Variants in CSF1R observed in about 807,000 individuals in gnomAD.
CSF1R encodes the protein colony stimulating factor 1 receptor, also known as macrophage colony-stimulating factor 1 receptor.
CSF1R carries 40 observed loss-of-function variants against 110.0 expected under a neutral mutation model. The ratio of observed to expected loss-of-function variants is 0.36; its 90% CI spans 0.28 to 0.47. The LOEUF (loss-of-function observed/expected upper bound fraction) is 0.47, where lower values mean the gene tolerates loss of function less well. Among genes scored for constraint, CSF1R ranks in the 20% least tolerant of loss-of-function variants. The pLI is 0.99. For synonymous variants in CSF1R, 523 were observed against 503.4 expected (o/e 1.04, Z -0.52); for missense variants, 1,052 against 1,253.0 (o/e 0.84, Z 2.42).
rs994128154 is a variant in CSF1R at position 150,053,367 on chromosome 5, TGGG to T, written c.*699_*701del. On this transcript the variant is annotated 3_prime_UTR_variant, in exon 21 of 21. Transcript: ENST00000675795. Reference sequence around the variant, plus strand: ...GACTGTTAGTTAGGATGAGTCAGCTTGGGGGAGTTTGTGCTTCCTGCTTGGTGT... The same window carrying T: ...GACTGTTAGTTAGGATGAGTCAGCTTGGAGTTTGTGCTTCCTGCTTGGTGT... 1 of 233,996 alleles carries T rather than the reference TGGG, an allele frequency of 4.3e-6. No homozygotes were observed. The highest frequency in any genetic ancestry group is 8.5e-6 in the Non-Finnish European group (1 of 118,302). The allele number at this position is 233,996 out of a possible 1,614,324, so 14.5% of individuals were successfully genotyped here.
At chr5:150,065,449 G>A (rs1561918559) in intron 10 of CSF1R, among the ~76,000 whole-genome samples, 1 of 152,098 alleles carries the variant, frequency 6.6e-6, no homozygotes, top group African/African-American at 2.4e-5. Flanking sequence ...TTCCCCCACG[G>A]CCCCCCTTGT....
chr5:150,094,239 T>C, intron 1 of CSF1R: 1 of 986,454 alleles, frequency 1.0e-6, no homozygotes, highest in Non-Finnish European at 1.5e-6. Flanking sequence ...CAAGAAGACA[T>C]AACAATCCTG....
intron 7 of CSF1R, 21 bp downstream of exon 7, chr5:150,070,435 G>A (rs1004026033): frequency 8.4e-6 from 13 of 1,550,804 alleles, no homozygotes; most frequent in African/African-American, 4.1e-5. Context: ...GCCCCAGGTG[G>A]CGCTCGGCCC....
intron 14 of CSF1R, chr5:150,058,044 T>TA (rs923040084): frequency 5.5e-6 from 2 of 365,080 alleles, no homozygotes; most frequent in African/African-American, 4.3e-5. Flanking sequence ...TAATTACTAA[T>TA]ACTTCAGAAA....
chr5:150,092,433 T>TA (rs1759074600), intron 1 of CSF1R, among the ~76,000 whole-genome samples: 1 of 145,546 alleles, frequency 6.9e-6, no homozygotes, highest in African/African-American at 2.6e-5. Flanking sequence ...GTATATGCCA[T>TA]GTTTTTTTCC....
At chr5:150,064,252 A>G (rs775495038) in intron 10 of CSF1R, among the ~76,000 whole-genome samples, 2 of 152,224 alleles carry the variant, frequency 1.3e-5, no homozygotes, top group Non-Finnish European at 2.9e-5. Flanking sequence ...ATCACGAAAC[A>G]TACGCATGCA....
At chr5:150,086,284 G>C in intron 1 of CSF1R, 95 bp downstream of exon 1, 2 of 1,274,252 alleles carry the variant, frequency 1.6e-6, no homozygotes, top group South Asian at 2.7e-5. Flanking sequence ...AAAACAGCCT[G>C]AGGACACCCA....
At chr5:150,071,093 T>C (rs755602815) in intron 6 of CSF1R, among the ~76,000 whole-genome samples, 1 of 152,182 alleles carries the variant, frequency 6.6e-6, no homozygotes, top group Non-Finnish European at 1.5e-5. Context: ...TCCTTTGCTG[T>C]GAGAGTGATA....
intron 12 of CSF1R, among the ~76,000 whole-genome samples, chr5:150,061,249 C>T (rs551540070): frequency 9.9e-5 from 15 of 152,278 alleles, no homozygotes; most frequent in African/African-American, 3.6e-4. Flanking sequence ...TTCTGCACCC[C>T]CAGACTTTTT....
intron 1 of CSF1R, among the ~76,000 whole-genome samples, chr5:150,092,247 A>G (rs901257148): frequency 2.0e-5 from 3 of 152,216 alleles, no homozygotes; most frequent in African/African-American, 4.8e-5. Flanking sequence ...TAGTTTGCCA[A>G]TCTCTGATTT....
At position 150,053,848 on chromosome 5, in the gene CSF1R, G is replaced by A. The variant is rs574587482; in HGVS notation, c.*221C>T. 31 of 595,788 alleles carry A rather than the reference G, an allele frequency of 5.2e-5. No homozygotes were observed. Among genetic ancestry groups the A allele is most frequent in the East Asian group, 2.8e-4 (10 of 35,450 alleles). 36.9% of individuals were successfully genotyped at this position (595,788 alleles called of 1,614,324 possible). On this transcript the variant is annotated 3_prime_UTR_variant, in exon 21 of 21. Coordinates refer to ENST00000675795, the MANE Select transcript of CSF1R (RefSeq NM_001288705.3). Reference sequence around the variant, plus strand: ...GAACAGTAGGGGAGGGGGGGGTGAGGGCTCAGCCCCCAGCCCCTGACTGGC... The same window carrying A: ...GAACAGTAGGGGAGGGGGGGGTGAGAGCTCAGCCCCCAGCCCCTGACTGGC...
chr5:150,077,528 T>G, intron 4 of CSF1R, 93 bp from the exon 5 acceptor site: 2 of 1,365,140 alleles, frequency 1.5e-6, no homozygotes, highest in Non-Finnish European at 2.0e-6. Flanking sequence ...GATTACTATC[T>G]GCCTTTCCTC....
intron 9 of CSF1R, 45 bp from the exon 10 acceptor site, chr5:150,068,375 G>A (rs376820939): frequency 2.0e-5 from 29 of 1,440,640 alleles, no homozygotes; most frequent in Middle Eastern, 1.9e-4. Context: ...GGGTGCCTCC[G>A]AGCCCCCTGA....
chr5:150,077,525 A>C lies in CSF1R; in HGVS notation c.730-90T>G, dbSNP rs1472053965. 5 of 1,383,520 alleles carry C rather than the reference A, an allele frequency of 3.6e-6. No homozygotes were observed. The African/African-American group carries it at 4.3e-5, about 12-fold the overall frequency. The allele number at this position is 1,383,520 out of a possible 1,614,324, so 85.7% of individuals were successfully genotyped here. A position where few individuals can be genotyped will look rare whatever the true frequency, so the allele number is the denominator to read the frequency against. ...CAATCCTCAGCCTTTAAGGATTACT[A>C]TCTGCCTTTCCTCTGAGCCTGTTGC... On this transcript the variant is annotated intron_variant, in intron 4 of 20. Transcript: ENST00000675795.
Position 150,078,267 on chromosome 5 carries a change from C to CCCCTGAACACCCAGGCT in CSF1R, c.593-36_593-20dup. On this transcript the variant is annotated intron_variant, in intron 3 of 20. Transcript: ENST00000675795. ...GGGATGACTGAGACCGGGGGAGAGA[C>CCCCTGAACACCCAGGCT]CCCTGAACACCCAGGCTCCCTGAAC... is the stretch of plus-strand genomic sequence containing the variant. 1 of 1,613,476 alleles carries CCCCTGAACACCCAGGCT rather than the reference C, an allele frequency of 6.2e-7. No homozygotes were observed. Among genetic ancestry groups the CCCCTGAACACCCAGGCT allele is most frequent in the Non-Finnish European group, 8.5e-7 (1 of 1,179,724 alleles).
At chr5:150,091,119 TA>T (rs201905591), upstream of CSF1R, among the ~76,000 whole-genome samples, 60 of 152,080 alleles carry the variant, frequency 3.9e-4, no homozygotes, top group African/African-American at 1.3e-3. Flanking sequence ...ATCATCATAA[TA>T]AAAAAAATCG....
At chr5:150,105,440 T>C (rs1223696733) in intron 1 of CSF1R, among the ~76,000 whole-genome samples, 12 of 148,752 alleles carry the variant, frequency 8.1e-5, no homozygotes, top group African/African-American at 2.7e-4. Context: ...GATCTCGAAC[T>C]CCTGACCTCA....
Position 150,065,395 on chromosome 5 carries a change from C to T in CSF1R, c.1626+2820G>A, listed in dbSNP as rs146400897. 2.3e-4 allele frequency among the ~76,000 whole-genome samples: 35 copies of T among 152,332 alleles called. No individual in the cohort carries two copies. In the East Asian group the frequency reaches 6.6e-3, roughly 29 times the overall value. On this transcript the variant is annotated intron_variant, in intron 10 of 20. Coordinates refer to ENST00000675795, the MANE Select transcript of CSF1R (RefSeq NM_001288705.3). Reference sequence around the variant, plus strand: ...CTGCTGCCTCAGCCATTTCCCTGTGCGCCTCCTCCTCCAGGGGAGCCTGCT... The same window carrying T: ...CTGCTGCCTCAGCCATTTCCCTGTGTGCCTCCTCCTCCAGGGGAGCCTGCT...
At chr5:150,092,631 C>T (rs530149520) in intron 1 of CSF1R, among the ~76,000 whole-genome samples, 18 of 152,256 alleles carry the variant, frequency 1.2e-4, no homozygotes, top group African/African-American at 3.4e-4. Context: ...AGAGTATATG[C>T]AGGGGAACTC....
Sources: gnomAD v4.1 joint callset for allele counts (sites outside exome capture counted in the v4.1 genomes callset) on GRCh38, gnomAD v4.1.1 for gene constraint, MANE v1.5 for transcripts, NCBI Gene and HGNC (gene_info 2026-07-23, HGNC 2026-07-21) for gene names.